The following GRID2 variants were observed in gnomAD, a reference collection of about 807,000 sequenced individuals.
The protein encoded by GRID2 is glutamate ionotropic receptor delta type subunit 2.
GRID2 carries 33 observed loss-of-function variants against 114.8 expected under a neutral mutation model. The ratio of observed to expected loss-of-function variants is 0.29; its 90% CI spans 0.22 to 0.38. The LOEUF (loss-of-function observed/expected upper bound fraction) is 0.38, where lower values mean the gene tolerates loss of function less well. Among genes scored for constraint, GRID2 ranks in the 10% least tolerant of loss-of-function variants. The pLI is 1.00. For missense variants in GRID2, 1,184 were observed against 1,257.7 expected (o/e 0.94, Z 0.89); for synonymous variants, 505 against 449.9 (o/e 1.12, Z -1.55).
intron 12 of GRID2, among the ~76,000 whole-genome samples, chr4:93,503,451 G>C (rs752358931): frequency 1.3e-5 from 2 of 151,584 alleles, no homozygotes; most frequent in South Asian, 4.2e-4. Context: ...CATTAGGTAT[G>C]TCACCTAATG....
At chr4:92,884,203 T>A (rs1746212449) in intron 2 of GRID2, among the ~76,000 whole-genome samples, 1 of 152,178 alleles carries the variant, frequency 6.6e-6, no homozygotes, top group Admixed American at 6.5e-5. Flanking sequence ...CATGAAACCA[T>A]TTTTGTTATC....
chr4:93,160,834 T>A (rs1248131418), intron 4 of GRID2, among the ~76,000 whole-genome samples: 1 of 151,860 alleles, frequency 6.6e-6, no homozygotes, highest in Non-Finnish European at 1.5e-5. Context: ...ATGCATATTC[T>A]TAGGCACCAA....
intron 8 of GRID2, among the ~76,000 whole-genome samples, chr4:93,378,142 AC>A (rs1400813976): frequency 3.3e-5 from 5 of 152,170 alleles, no homozygotes; most frequent in African/African-American, 1.2e-4. Context: ...TATACCTTCA[AC>A]AAAACTTTAA....
At chr4:92,773,013 G>A (rs529440029) in intron 2 of GRID2, among the ~76,000 whole-genome samples, 2 of 152,212 alleles carry the variant, frequency 1.3e-5, no homozygotes, top group East Asian at 1.9e-4. Context: ...CATTAGTTCA[G>A]CACAATGGAA....
chr4:92,501,179 T>G (rs970193481), intron 1 of GRID2, among the ~76,000 whole-genome samples: 2 of 152,148 alleles, frequency 1.3e-5, no homozygotes, highest in Non-Finnish European at 2.9e-5. Context: ...GAAGTATACT[T>G]TAATTGACAG....
At chr4:92,504,891 T>A (rs1197700834) in intron 1 of GRID2, among the ~76,000 whole-genome samples, 1 of 152,034 alleles carries the variant, frequency 6.6e-6, no homozygotes, top group Non-Finnish European at 1.5e-5. Context: ...TATTCAGAAT[T>A]TTTTTCCAAT....
chr4:93,231,183 C>T (rs182572724), intron 7 of GRID2, among the ~76,000 whole-genome samples: 1 of 151,820 alleles, frequency 6.6e-6, no homozygotes, highest in Non-Finnish European at 1.5e-5. Context: ...ACACGAGTAG[C>T]CTGTTTTTAT....
intron 8 of GRID2, among the ~76,000 whole-genome samples, chr4:93,297,785 CT>C (rs1218275225): frequency 6.6e-6 from 1 of 152,086 alleles, no homozygotes; most frequent in Non-Finnish European, 1.5e-5. Flanking sequence ...GTCTTTTTAA[CT>C]TTTTATACAT....
In GRID2 at chr4:93,053,092, C is replaced by T. The variant is rs1029119783; in HGVS notation, c.245-31903C>T. On this transcript the variant is annotated intron_variant, in intron 2 of 15. Transcript: ENST00000282020. ...TTATAGGTAGTGGCACACTCGCCTCCCACTCTACTATTACTGAAGCAAGTT... is the reference window on the plus strand; with the variant it reads ...TTATAGGTAGTGGCACACTCGCCTCTCACTCTACTATTACTGAAGCAAGTT... 5.3e-5 allele frequency among the ~76,000 whole-genome samples: 8 copies of T among 151,946 alleles called. 1 individual carries two copies. The South Asian group carries it at 1.7e-3, about 31-fold the overall frequency.
At chr4:92,906,283 CA>C (rs1309498562) in intron 2 of GRID2, among the ~76,000 whole-genome samples, 4 of 134,898 alleles carry the variant, frequency 3.0e-5, no homozygotes, top group African/African-American at 1.1e-4. Flanking sequence ...ACAATATTGC[CA>C]ATTAACACCA....
chr4:93,587,642 G>T (rs556996925), intron 13 of GRID2, among the ~76,000 whole-genome samples: 1 of 151,946 alleles, frequency 6.6e-6, no homozygotes, highest in South Asian at 2.1e-4. Flanking sequence ...AATATTTCTT[G>T]TACTTTCTCT....
chr4:93,285,880 A>G (rs1052500066), intron 8 of GRID2, among the ~76,000 whole-genome samples: 3 of 151,836 alleles, frequency 2.0e-5, no homozygotes, highest in Admixed American at 1.3e-4. Flanking sequence ...AAAATCCTGC[A>G]CTCTGAATTT....
rs78327643 is a variant in GRID2 at position 92,613,078 on chromosome 4, T to A, written c.244+22792T>A. 7.1e-4 allele frequency among the ~76,000 whole-genome samples: 108 copies of A among 151,562 alleles called. 4 individuals carry two copies. The East Asian group carries it at 0.021, about 29-fold the overall frequency. On this transcript the variant is annotated intron_variant, in intron 2 of 15. Transcript: ENST00000282020. ...GTATATTTTCCAAAGATGCTATTTA[T>A]CATGTTGAAGAAATTTCCTAATACT...
intron 1 of GRID2, among the ~76,000 whole-genome samples, chr4:92,553,648 T>C (rs1220439114): frequency 6.6e-6 from 1 of 152,104 alleles, no homozygotes. Context: ...ATCCTTATCA[T>C]TAACTTTTCT....
At chr4:93,118,242 G>A (rs1004383260) in intron 4 of GRID2, among the ~76,000 whole-genome samples, 1 of 152,004 alleles carries the variant, frequency 6.6e-6, no homozygotes, top group African/African-American at 2.4e-5. Flanking sequence ...CTTTTCTGAT[G>A]GCCTCTGTTC....
chr4:92,979,712 C>T (rs1253843129), intron 2 of GRID2, among the ~76,000 whole-genome samples: 1 of 152,092 alleles, frequency 6.6e-6, no homozygotes, highest in Admixed American at 6.6e-5. Context: ...AGCTTACAAG[C>T]CATAGTTCTG....
chr4:93,071,906 T>A (rs1035081492), intron 2 of GRID2, among the ~76,000 whole-genome samples: 4 of 152,148 alleles, frequency 2.6e-5, no homozygotes, highest in Non-Finnish European at 5.9e-5. Flanking sequence ...AGCAGTGCAC[T>A]CTTTCTAATC....
chr4:93,256,524 T>G (rs1384012651), intron 8 of GRID2, among the ~76,000 whole-genome samples: 1 of 151,874 alleles, frequency 6.6e-6, no homozygotes, highest in Non-Finnish European at 1.5e-5. Context: ...AATCATGGCA[T>G]AGCAAGGTTA....
chr4:93,561,712 A>G (rs571547174), intron 13 of GRID2, among the ~76,000 whole-genome samples: 2 of 152,086 alleles, frequency 1.3e-5, no homozygotes, highest in African/African-American at 4.8e-5. Flanking sequence ...AAACCCTGGC[A>G]ACCACTGATC....
Sources: gnomAD v4.1 joint callset for allele counts (sites outside exome capture counted in the v4.1 genomes callset) on GRCh38, gnomAD v4.1.1 for gene constraint, MANE v1.5 for transcripts, NCBI Gene and HGNC (gene_info 2026-07-23, HGNC 2026-07-21) for gene names.